EIPR1: variants seen among roughly 807,000 people sequenced by gnomAD.
The protein encoded by EIPR1 is EARP and GARP complex-interacting protein 1.
In EIPR1, 25 loss-of-function variants were observed where a neutral mutation model predicts 48.1. That is an observed-to-expected ratio of 0.52 (90% CI 0.38 to 0.73). EIPR1 has a LOEUF of 0.73. EIPR1 is among the 30% of genes least tolerant of loss of function. The pLI, the probability that EIPR1 is intolerant of heterozygous loss-of-function variation, is 0.00. For missense variants in EIPR1, 415 were observed against 506.2 expected, an observed-to-expected ratio of 0.82 and a Z score of 1.73; for synonymous variants, 204 against 201.9, an observed-to-expected ratio of 1.01 and a Z score of -0.09.
intron 3 of EIPR1, chr2:3,300,911 A>C (rs1668745741): frequency 6.6e-6 from 1 of 152,192 alleles, no homozygotes; most frequent in Non-Finnish European, 1.5e-5. Flanking sequence ...GTTCTTCATT[A>C]GGAGAAATCT....
intron 4 of EIPR1, among the ~76,000 whole-genome samples, chr2:3,215,340 G>C (rs1665594933): frequency 6.6e-6 from 1 of 152,222 alleles, no homozygotes; most frequent in Admixed American, 6.5e-5. Context: ...TGGACGAGAT[G>C]GGAGGACAGA....
At chr2:3,322,213 C>A (rs576656058) in intron 3 of EIPR1, among the ~76,000 whole-genome samples, 1 of 152,178 alleles carries the variant, frequency 6.6e-6, no homozygotes, top group East Asian at 1.9e-4. Flanking sequence ...GTGATGGTCA[C>A]GGTGAGGACC....
intron 3 of EIPR1, among the ~76,000 whole-genome samples, chr2:3,330,038 A>G (rs1669838836): frequency 6.6e-6 from 1 of 152,222 alleles, no homozygotes; most frequent in Non-Finnish European, 1.5e-5. Flanking sequence ...TTCTCTAATG[A>G]TCTTGCGGCA....
chr2:3,288,022 C>G (rs1345957204), intron 3 of EIPR1, among the ~76,000 whole-genome samples: 6 of 152,210 alleles, frequency 3.9e-5, no homozygotes, highest in Admixed American at 3.9e-4. Context: ...CACAGGGTTC[C>G]CCTCTCCTCC....
intron 2 of EIPR1, among the ~76,000 whole-genome samples, chr2:3,352,990 C>G (rs1183408257): frequency 6.6e-6 from 1 of 152,172 alleles, no homozygotes; most frequent in Non-Finnish European, 1.5e-5. Flanking sequence ...GAGTGAAACT[C>G]TGTCTCAAAA....
At chr2:3,283,005 T>C (rs1668061835) in intron 3 of EIPR1, among the ~76,000 whole-genome samples, 1 of 152,208 alleles carries the variant, frequency 6.6e-6, no homozygotes, top group Admixed American at 6.5e-5. Context: ...GATCTGTCCT[T>C]TTACTTAATG....
At chr2:3,246,911 G>A (rs1572351052) in intron 4 of EIPR1, among the ~76,000 whole-genome samples, 1 of 93,748 alleles carries the variant, frequency 1.1e-5, no homozygotes, top group Non-Finnish European at 2.2e-5. Context: ...GAGGGAGAGA[G>A]GGAGGGAGAG....
intron 2 of EIPR1, chr2:3,353,101 T>C: frequency 2.6e-6 from 1 of 389,738 alleles, no homozygotes; most frequent in South Asian, 2.0e-5. Flanking sequence ...ATTGTGTTTT[T>C]ATTAGTTATG....
At chr2:3,306,430 G>A (rs1027925144) in intron 3 of EIPR1, among the ~76,000 whole-genome samples, 1 of 152,034 alleles carries the variant, frequency 6.6e-6, no homozygotes, top group Non-Finnish European at 1.5e-5. Context: ...TGAAATTACG[G>A]TTGGGCCATA....
chr2:3,194,394 A>C (rs1572274869), intron 6 of EIPR1: 4 of 417,904 alleles, frequency 9.6e-6, no homozygotes, highest in Non-Finnish European at 1.3e-5. Flanking sequence ...CGTATCTGTG[A>C]CCCTCTGGGC....
intron 4 of EIPR1, among the ~76,000 whole-genome samples, chr2:3,253,962 G>A: frequency 6.6e-6 from 1 of 152,196 alleles, no homozygotes; most frequent in East Asian, 1.9e-4. Flanking sequence ...GGCAGCTGGA[G>A]TGGTAGCGAC....
chr2:3,266,628 C>A (rs1667498211), intron 3 of EIPR1, among the ~76,000 whole-genome samples: 1 of 152,204 alleles, frequency 6.6e-6, no homozygotes, highest in African/African-American at 2.4e-5. Flanking sequence ...GGCCAGGAGG[C>A]AGCAGGAGGT....
At chr2:3,342,921 TGCCATCAACCACCATGAGCAAAATAAA>T (rs1315606340) in intron 2 of EIPR1, among the ~76,000 whole-genome samples, 2 of 152,244 alleles carry the variant, frequency 1.3e-5, no homozygotes, top group Admixed American at 1.3e-4. Flanking sequence ...TCAAACAGGA[TGCCATCAACCACCATGAGCAAAATAAA>T]GTAATGGCTG....
At chr2:3,259,572 T>C (rs993003063) in intron 3 of EIPR1, among the ~76,000 whole-genome samples, 4 of 152,276 alleles carry the variant, frequency 2.6e-5, no homozygotes, top group Admixed American at 2.6e-4. Flanking sequence ...GTCCATCAAC[T>C]TCACAGAGTA....
At chr2:3,333,980 C>G (rs1435438370) in intron 3 of EIPR1, among the ~76,000 whole-genome samples, 3 of 152,088 alleles carry the variant, frequency 2.0e-5, no homozygotes, top group Non-Finnish European at 4.4e-5. Flanking sequence ...AGCCCTCAGC[C>G]TCTTCATTAA....
intron 3 of EIPR1, among the ~76,000 whole-genome samples, chr2:3,300,686 G>A (rs1027359800): frequency 2.0e-5 from 3 of 151,916 alleles, no homozygotes; most frequent in South Asian, 2.1e-4. Context: ...AAAACAAGAA[G>A]GTACACACAA....
At chr2:3,270,116 A>T (rs1390691509) in intron 3 of EIPR1, among the ~76,000 whole-genome samples, 3 of 152,236 alleles carry the variant, frequency 2.0e-5, no homozygotes, top group Non-Finnish European at 4.4e-5. Flanking sequence ...ATCTTTATTG[A>T]TTTAGAGGCA....
At chr2:3,377,203 A>G (rs1659912288) in intron 1 of EIPR1, 1 of 163,490 alleles carries the variant, frequency 6.1e-6, no homozygotes, top group Non-Finnish European at 1.3e-5. Flanking sequence ...AAGTGTTAAC[A>G]TTAAGGGAAG....
intron 1 of EIPR1, among the ~76,000 whole-genome samples, chr2:3,365,142 A>T (rs972399270): frequency 1.6e-4 from 14 of 88,992 alleles, no homozygotes; most frequent in Non-Finnish European, 1.8e-4. Context: ...TGTTTTAATT[A>T]AAAAAAAAAA....
Sources: allele counts gnomAD v4.1 joint callset (sites outside exome capture counted in the v4.1 genomes callset), GRCh38; gene constraint gnomAD v4.1.1; transcripts MANE v1.5; gene names NCBI Gene and HGNC (gene_info 2026-07-23, HGNC 2026-07-21).